PTCRA: variants seen among roughly 807,000 people sequenced by gnomAD.
PTCRA encodes pre T cell antigen receptor alpha.
A neutral mutation model predicts 13.4 loss-of-function variants in PTCRA; 9 were observed. That is an observed-to-expected ratio of 0.67 (90% CI 0.41 to 1.18). The LOEUF (loss-of-function observed/expected upper bound fraction) is 1.18. PTCRA is among the 50% of genes most tolerant of loss of function. The probability of loss-of-function intolerance (pLI) is 0.01; values close to 1 mark genes in which losing one functional copy is unlikely to be tolerated. For synonymous variants in PTCRA, 153 were observed against 161.9 expected (o/e 0.94, Z 0.42); for missense variants, 353 against 359.8 (o/e 0.98, Z 0.15).
In PTCRA at chr6:42,925,748, C is replaced by A; in HGVS notation, c.*66C>A. On this transcript the variant is annotated 3_prime_UTR_variant, in exon 4 of 4. Transcript: ENST00000304672. The surrounding 1 kb of genome is among the most constrained non-coding windows in gnomAD (Gnocchi z 4.4). ...TGTGTCTCTGCCATCCAAAAGGGGGCCCCTTGAGAATGGTGATCCACCCAG... is the reference window on the plus strand; with the variant it reads ...TGTGTCTCTGCCATCCAAAAGGGGGACCCTTGAGAATGGTGATCCACCCAG... The A allele has an allele frequency of 1.7e-6, 2 of 1,180,528 alleles. No individual in the cohort carries two copies. Among genetic ancestry groups the A allele is most frequent in the Non-Finnish European group, 2.3e-6 (2 of 860,484 alleles). The allele number at this position is 1,180,528 out of a possible 1,614,324, so 73.1% of individuals were successfully genotyped here.
intron 1 of PTCRA, among the ~76,000 whole-genome samples, chr6:42,919,245 C>T (rs1581680302): frequency 6.6e-6 from 1 of 152,112 alleles, no homozygotes; most frequent in East Asian, 1.9e-4. Flanking sequence ...CTGCCCACCT[C>T]AGCCTCCCAA....
intron 1 of PTCRA, among the ~76,000 whole-genome samples, chr6:42,918,398 A>G (rs1291678972): frequency 6.6e-6 from 1 of 151,636 alleles, no homozygotes; most frequent in Non-Finnish European, 1.5e-5. Flanking sequence ...TACTAAAAAT[A>G]CAAAAATTAG....
chr6:42,922,345 G>A, intron 1 of PTCRA: 2 of 676,296 alleles, frequency 3.0e-6, no homozygotes, highest in Non-Finnish European at 5.4e-6. Context: ...CTTACCCAAT[G>A]TTGTATCTCT....
chr6:42,924,970 A>G (rs1581689116), intron 3 of PTCRA, among the ~76,000 whole-genome samples: 1 of 22,560 alleles, frequency 4.4e-5, no homozygotes. Context: ...GACTCCATCT[A>G]AAAAAAAAAA....
At chr6:42,920,488 G>A (rs1261846122) in intron 1 of PTCRA, among the ~76,000 whole-genome samples, 2 of 150,838 alleles carry the variant, frequency 1.3e-5, no homozygotes, top group East Asian at 2.0e-4. Context: ...GCAGTGGCGC[G>A]ATCTTGGCTC....
At chr6:42,923,778 G>T (rs1767301295) in intron 2 of PTCRA, among the ~76,000 whole-genome samples, 1 of 152,166 alleles carries the variant, frequency 6.6e-6, no homozygotes, top group African/African-American at 2.4e-5. Flanking sequence ...ACAGGCACAG[G>T]GAGGTTAAGC....
chr6:42,925,233 CG>C lies in PTCRA; in HGVS notation c.425-25del, dbSNP rs1554290207. On this transcript the variant is annotated intron_variant, in intron 3 of 3. Transcript: ENST00000304672. This position sits in a 1 kb window ranked among gnomAD's most constrained non-coding sequence, Gnocchi z 4.4. ...TGGGGTAGGGGGCTGCGGGCTCCTG[CG>C]GGCTCCTGAGCGGTTCCTCCTCGCA... The C allele has an allele frequency of 6.4e-7, 1 of 1,567,086 alleles. No homozygotes were observed. The highest frequency in any genetic ancestry group is 1.2e-5 in the South Asian group (1 of 86,810).
chr6:42,921,593 T>A (rs1767166735), intron 1 of PTCRA, among the ~76,000 whole-genome samples: 1 of 150,298 alleles, frequency 6.7e-6, no homozygotes, highest in East Asian at 2.0e-4. Context: ...AATTTTTGTA[T>A]TTTTAGTAGA....
chr6:42,919,216 G>C lies in PTCRA; in HGVS notation c.58+3089G>C, dbSNP rs542144905. On this transcript the variant is annotated intron_variant, in intron 1 of 3. Transcript: ENST00000304672. ...TCACCATGTTAGCCAGGATGGTCTC[G>C]ATCTCCTGACCTTGTGATCTGCCCA... is the stretch of plus-strand genomic sequence containing the variant. Among the ~76,000 whole-genome samples, 121 of 151,882 alleles carry C rather than the reference G, an allele frequency of 8.0e-4. 1 individual carries two copies. Among genetic ancestry groups the C allele is most frequent in the African/African-American group, 2.8e-3 (114 of 41,418 alleles).
At chr6:42,916,606 A>G (rs1253451088) in intron 1 of PTCRA, among the ~76,000 whole-genome samples, 1 of 152,140 alleles carries the variant, frequency 6.6e-6, no homozygotes, top group Non-Finnish European at 1.5e-5. Flanking sequence ...GTTCACTCAC[A>G]GCTCACGCTT....
Position 42,925,406 on chromosome 6 carries a change from C to T in PTCRA, c.570C>T (p.Ala190=), listed in dbSNP as rs866320069. ...CCGCAACCACCACCCGCCTGCGAGC[C>T]CTCGGCTCCCATCGACTGCACCCGG... ...PSPATTTRLR[A]LGSHRLHPAT... is the part of the protein sequence containing the mutation. The change falls in exon 4 of 4, where the codon GCC becomes GCT. Residue 190 remains alanine (A), a synonymous_variant. Transcript: ENST00000304672. This position sits in a 1 kb window ranked among gnomAD's most constrained non-coding sequence, Gnocchi z 4.4. 1.3e-6 allele frequency: 2 copies of T among 1,554,982 alleles called. No homozygotes were observed. Among genetic ancestry groups the T allele is most frequent in the Non-Finnish European group, 1.7e-6 (2 of 1,148,876 alleles).
intron 1 of PTCRA, among the ~76,000 whole-genome samples, chr6:42,921,214 C>T (rs1486966761): frequency 1.3e-5 from 2 of 151,236 alleles, no homozygotes; most frequent in Non-Finnish European, 2.9e-5. Context: ...GATTCTCCTG[C>T]TTCAAGCCTC....
rs1407807334 is a variant in PTCRA at position 42,925,202 on chromosome 6, C to T, written c.425-59C>T. On this transcript the variant is annotated intron_variant, in intron 3 of 3. Coordinates refer to ENST00000304672, the MANE Select transcript of PTCRA (RefSeq NM_138296.3). The surrounding 1 kb of genome is among the most constrained non-coding windows in gnomAD (Gnocchi z 4.4). ...AGAGGACAAGGCCCTCTCCGCCGTT[C>T]TCTCCTGGGGTAGGGGGCTGCGGGC... 8 of 1,529,030 alleles carry T rather than the reference C, an allele frequency of 5.2e-6. No homozygotes were observed. In the African/African-American group the frequency reaches 9.5e-5, roughly 18 times the overall value. The allele number at this position is 1,529,030 out of a possible 1,614,324, so 94.7% of individuals were successfully genotyped here.
Position 42,924,582 on chromosome 6 carries a change from A to C in PTCRA, c.424+309A>C, listed in dbSNP as rs113855269. On this transcript the variant is annotated intron_variant, in intron 3 of 3. Coordinates refer to ENST00000304672, the MANE Select transcript of PTCRA (RefSeq NM_138296.3). ...CCAGGCAGGGGGGTCTCAGCATTAG[A>C]GGCCGTGTAAATGGGAGGCTGTCTG... Among the ~76,000 whole-genome samples the C allele has an allele frequency of 9.7e-3, 1,472 of 152,240 alleles. 23 individuals are homozygous for C. Among genetic ancestry groups the C allele is most frequent in the African/African-American group, 0.033 (1,356 of 41,544 alleles).
chr6:42,916,729 T>C (rs1366249596), intron 1 of PTCRA, among the ~76,000 whole-genome samples: 2 of 152,174 alleles, frequency 1.3e-5, no homozygotes, highest in Non-Finnish European at 2.9e-5. Flanking sequence ...AAATTCCAGC[T>C]TCATCTAGAA....
Position 42,925,129 on chromosome 6 carries a change from C to A in PTCRA, c.425-132C>A. ...ACCAGTAAGAACGGAGGCTAGACAC[C>A]GGGAAGGACTTTCCCTGGAGGAGGG... is the stretch of plus-strand genomic sequence containing the variant. On this transcript the variant is annotated intron_variant, in intron 3 of 3. Coordinates refer to ENST00000304672, the MANE Select transcript of PTCRA (RefSeq NM_138296.3). The surrounding 1 kb of genome is among the most constrained non-coding windows in gnomAD (Gnocchi z 4.4). 1 of 1,229,894 alleles carries A rather than the reference C, an allele frequency of 8.1e-7. No individual in the cohort carries two copies. 76.2% of individuals were successfully genotyped at this position (1,229,894 alleles called of 1,614,324 possible).
chr6:42,923,452 G>A lies in PTCRA; in HGVS notation c.379+105G>A, dbSNP rs113555504. On this transcript the variant is annotated intron_variant, in intron 2 of 3. Transcript: ENST00000304672. The stretch of plus-strand genomic sequence containing the variant: ...TCCAGGCCACAAAGGCATGAAGGGT[G>A]TCCAAGCGCAGAGCCTCTGGGTGAG... The A allele has an allele frequency of 8.9e-6, 10 of 1,120,168 alleles. No individual in the cohort carries two copies. The African/African-American group carries it at 1.1e-4, about 12-fold the overall frequency. 69.4% of individuals were successfully genotyped at this position (1,120,168 alleles called of 1,614,324 possible).
At chr6:42,918,280 G>T (rs1206731602) in intron 1 of PTCRA, among the ~76,000 whole-genome samples, 1 of 151,262 alleles carries the variant, frequency 6.6e-6, no homozygotes, top group African/African-American at 2.4e-5. Context: ...CCAGGCATGG[G>T]GCTCATGCCT....
rs533007476 is a variant in PTCRA at position 42,921,504 on chromosome 6, G to A, written c.59-1523G>A. ...GTGATCTAGGCTCACTGCAACTTCCGCTTCCCTGGTTCAAGTGATTCTCCT... is the reference window on the plus strand; with the variant it reads ...GTGATCTAGGCTCACTGCAACTTCCACTTCCCTGGTTCAAGTGATTCTCCT... On this transcript the variant is annotated intron_variant, in intron 1 of 3. Transcript: ENST00000304672. 2.3e-4 allele frequency among the ~76,000 whole-genome samples: 32 copies of A among 137,758 alleles called. 1 individual carries two copies. The highest frequency in any genetic ancestry group is 3.5e-4 in the Non-Finnish European group (23 of 65,994). 90.4% of individuals were successfully genotyped at this position (137,758 alleles called of 152,430 possible).
Sources: gnomAD v4.1 joint callset for allele counts (sites outside exome capture counted in the v4.1 genomes callset) on GRCh38, gnomAD v4.1.1 for gene constraint, Gnocchi (gnomAD v3.1) non-coding constraint, MANE v1.5 for transcripts, NCBI Gene and HGNC (gene_info 2026-07-23, HGNC 2026-07-21) for gene names.